The following BPNT2 variants were observed in gnomAD, a reference collection of about 807,000 sequenced individuals.
The protein encoded by BPNT2 is Golgi-resident adenosine 3',5'-bisphosphate 3'-phosphatase.
Under a neutral mutation model 29.3 loss-of-function variants are expected in BPNT2, and 11 were observed. That is an observed-to-expected ratio of 0.38 (90% CI 0.24 to 0.62). The LOEUF is 0.62. Ranked by LOEUF, BPNT2 falls within the 20% of genes least tolerant of loss-of-function variation. The probability of loss-of-function intolerance (pLI) is 0.62; values close to 1 mark genes in which losing one functional copy is unlikely to be tolerated. For synonymous variants in BPNT2, 195 were observed against 187.7 expected (o/e 1.04, Z -0.32); for missense variants, 459 against 473.4 (o/e 0.97, Z 0.28).
rs1805775853 is a variant in BPNT2 at position 56,958,502 on chromosome 8, ATGG to A, written c.*5288_*5290del. Reference sequence around the variant, plus strand: ...TCTAAGCATGTGACGGCAACAGCTAATGGTCTAGTTCCTCCATGGCTTTAAATG... The same window carrying A: ...TCTAAGCATGTGACGGCAACAGCTAATCTAGTTCCTCCATGGCTTTAAATG... On this transcript the variant is annotated 3_prime_UTR_variant, in exon 5 of 5. Transcript: ENST00000262644. 1 of 152,230 alleles carries A rather than the reference ATGG, an allele frequency of 6.6e-6. No individual in the cohort carries two copies. Among genetic ancestry groups the A allele is most frequent in the African/African-American group, 2.4e-5 (1 of 41,448 alleles). 9.4% of individuals were successfully genotyped at this position (152,230 alleles called of 1,614,324 possible).
rs1805838430 is a variant in BPNT2, at chr8:56,961,698, GGT to G, written c.*2093_*2094del. 6.6e-6 allele frequency: 1 copy of G among 152,142 alleles called. No homozygotes were observed. Among genetic ancestry groups the G allele is most frequent in the African/African-American group, 2.4e-5 (1 of 41,410 alleles). The allele number at this position is 152,142 out of a possible 1,614,324, so 9.4% of individuals were successfully genotyped here. Reference sequence around the variant, plus strand: ...AACAAAAATACAAAAAAATTAGCTGGGTGTGGTGGTGTATGCCTGTAATCCCA... The same window carrying G: ...AACAAAAATACAAAAAAATTAGCTGGGTGGTGGTGTATGCCTGTAATCCCA... On this transcript the variant is annotated 3_prime_UTR_variant, in exon 5 of 5. Coordinates refer to ENST00000262644, the MANE Select transcript of BPNT2 (RefSeq NM_017813.5).
chr8:56,970,591 A>G (rs550991043), intron 3 of BPNT2, among the ~76,000 whole-genome samples: 2 of 152,198 alleles, frequency 1.3e-5, no homozygotes, highest in South Asian at 4.1e-4. Flanking sequence ...ATCAGCTGTA[A>G]AATCCATTTT....
Position 56,993,216 on chromosome 8 carries a change from C to G in BPNT2, c.370G>C (p.Ala124Pro). The change falls in exon 1 of 5, where the codon GCC becomes CCC. Residue 124 changes from alanine (A) to proline (P), a missense_variant. Coordinates refer to ENST00000262644, the MANE Select transcript of BPNT2 (RefSeq NM_017813.5). ...NRKMFYLLKT[A>P]FPSVQINTEE... ...GCTCCCACCTGGACGCTGGGGAAGGCGGTCTTGAGCAGGTAGAACATCTTG... is the reference window on the plus strand; with the variant it reads ...GCTCCCACCTGGACGCTGGGGAAGGGGGTCTTGAGCAGGTAGAACATCTTG... 1 of 1,602,032 alleles carries G rather than the reference C, an allele frequency of 6.2e-7. No homozygotes were observed. The highest frequency in any genetic ancestry group is 1.1e-5 in the South Asian group (1 of 90,772).
chr8:56,964,527 T>A (rs142571861), intron 4 of BPNT2: 3,000 of 157,250 alleles, frequency 0.019, 88 homozygotes, highest in African/African-American at 0.064. Context: ...GGTCTTGAAC[T>A]CCTGGCCTCG....
chr8:56,963,715 C>T lies in BPNT2; in HGVS notation c.*78G>A. On this transcript the variant is annotated 3_prime_UTR_variant, in exon 5 of 5. Transcript: ENST00000262644. ...GATGGCCTTAACCATGCATAGTCTC[C>T]ACCAATCCTTTGAAGCTTCCAGCAT... is the stretch of plus-strand genomic sequence containing the variant. The T allele has an allele frequency of 6.5e-7, 1 of 1,533,672 alleles. No homozygotes were observed. Among genetic ancestry groups the T allele is most frequent in the Non-Finnish European group, 9.0e-7 (1 of 1,109,924 alleles).
rs556706868 is a variant in BPNT2 at position 56,986,102 on chromosome 8, C to CA, written c.388-5906dup. Among the ~76,000 whole-genome samples, 388 of 152,316 alleles carry CA rather than the reference C, an allele frequency of 2.5e-3. 1 individual carries two copies. The highest frequency in any genetic ancestry group is 3.4e-3 in the Middle Eastern group (1 of 294). The stretch of plus-strand genomic sequence containing the variant: ...TGTCGTTACTACAGCATTTCCTACT[C>CA]AGTCTTTCCTGACTAATGCATTTTC... On this transcript the variant is annotated intron_variant, in intron 1 of 4. Transcript: ENST00000262644.
At chr8:56,977,701 G>A (rs1563408715) in intron 3 of BPNT2, among the ~76,000 whole-genome samples, 2 of 152,144 alleles carry the variant, frequency 1.3e-5, no homozygotes, top group African/African-American at 4.8e-5. Flanking sequence ...TGTAAGAGGA[G>A]AAGAGACACA....
rs1806450355 is a variant in BPNT2 at position 56,993,330 on chromosome 8, C to T, written c.256G>A (p.Glu86Lys). ...RGGDEVRRVR[E>K]SNVLHEKSKG... is the part of the protein sequence containing the mutation. ...GACTTCTCGTGGAGGACGTTGCTCT[C>T]GCGGACGCGCCTCACCTCGTCGCCG... Residue 86 changes from glutamate to lysine, a missense_variant, in exon 1 of 5, where the codon GAG (glutamate) becomes AAG (lysine). Physicochemically the swap from Glu to Lys is moderately conservative, Grantham distance 56 (BLOSUM62 1). Transcript: ENST00000262644. The T allele has an allele frequency of 2.5e-6, 4 of 1,611,634 alleles. No individual in the cohort carries two copies. Among genetic ancestry groups the T allele is most frequent in the Admixed American group, 1.7e-5 (1 of 60,014 alleles).
intron 3 of BPNT2, among the ~76,000 whole-genome samples, chr8:56,969,443 T>C (rs1805998231): frequency 6.6e-6 from 1 of 152,184 alleles, no homozygotes; most frequent in Non-Finnish European, 1.5e-5. Flanking sequence ...CAAATTTAAC[T>C]GTGGATTTAA....
chr8:56,959,535 T>TATCAATAATTAGTGACTATTACC lies in BPNT2; in HGVS notation c.*4257_*4258insGGTAATAGTCACTAATTATTGAT, dbSNP rs1805792200. The TATCAATAATTAGTGACTATTACC allele has an allele frequency of 6.6e-6, 1 of 152,190 alleles. No individual in the cohort carries two copies. Among genetic ancestry groups the TATCAATAATTAGTGACTATTACC allele is most frequent in the Admixed American group, 6.5e-5 (1 of 15,282 alleles). 9.4% of individuals were successfully genotyped at this position (152,190 alleles called of 1,614,324 possible). On this transcript the variant is annotated 3_prime_UTR_variant, in exon 5 of 5. Coordinates refer to ENST00000262644, the MANE Select transcript of BPNT2 (RefSeq NM_017813.5). The stretch of plus-strand genomic sequence containing the variant: ...TTAATAAATTATTGATATGCTACCA[T>TATCAATAATTAGTGACTATTACC]AAATAAATAGTCACTTTTTAAACCA...
At chr8:56,980,817 T>TACACACACAC (rs1343746473) in intron 1 of BPNT2, among the ~76,000 whole-genome samples, 3 of 67,906 alleles carry the variant, frequency 4.4e-5, no homozygotes, top group South Asian at 5.2e-4. Context: ...CATACATACA[T>TACACACACAC]ATACACACAC....
Position 56,982,519 on chromosome 8 carries a change from T to A in BPNT2, c.388-2322A>T, listed in dbSNP as rs182518269. Among the ~76,000 whole-genome samples, 76 of 152,372 alleles carry A rather than the reference T, an allele frequency of 5.0e-4. No homozygotes were observed. The East Asian group carries it at 8.1e-3, about 16-fold the overall frequency. On this transcript the variant is annotated intron_variant, in intron 1 of 4. Coordinates refer to ENST00000262644, the MANE Select transcript of BPNT2 (RefSeq NM_017813.5). ...AAATGCTTATTGATTGCCTACTATA[T>A]GACAGACACAGTTACAGGTCTTAAA...
chr8:56,977,887 C>G (rs1054223585), intron 3 of BPNT2, among the ~76,000 whole-genome samples, 163 bp downstream of exon 3: 1 of 152,178 alleles, frequency 6.6e-6, no homozygotes. Context: ...AACTGTCAGA[C>G]ACTACATTTT....
In BPNT2 at chr8:56,962,644, C is replaced by T. The variant is rs578154957; in HGVS notation, c.*1149G>A. 6.6e-6 allele frequency: 1 copy of T among 151,980 alleles called. No individual in the cohort carries two copies. The highest frequency in any genetic ancestry group is 2.1e-4 in the South Asian group (1 of 4,814). The allele number at this position is 151,980 out of a possible 1,614,324, so 9.4% of individuals were successfully genotyped here. A position where few individuals can be genotyped will look rare whatever the true frequency, so the allele number is the denominator to read the frequency against. ...AGAAAAAAATTTCATCAAAAAGTAC[C>T]TTCAACCTTCTCTATTTTAATCTGA... On this transcript the variant is annotated 3_prime_UTR_variant, in exon 5 of 5. Coordinates refer to ENST00000262644, the MANE Select transcript of BPNT2 (RefSeq NM_017813.5).
chr8:56,993,506 A>G lies in BPNT2; in HGVS notation c.80T>C (p.Leu27Pro). ...GCGGCCGGCCAAGAAGCCCGAGTAG[A>G]GGTGGTAGAGCACGCCGAGCCCCAG... ...CLLGLGVLYHLYSGFLAGRFS... is the reference protein window; with the variant it reads ...CLLGLGVLYHPYSGFLAGRFS... The change falls in exon 1 of 5, where the codon CTC becomes CCC. Residue 27 changes from leucine to proline, a missense_variant. Leu to Pro is a moderately conservative substitution (Grantham distance 98). Coordinates refer to ENST00000262644, the MANE Select transcript of BPNT2 (RefSeq NM_017813.5). 1.3e-6 allele frequency: 2 copies of G among 1,500,924 alleles called. No individual in the cohort carries two copies. The highest frequency in any genetic ancestry group is 1.8e-6 in the Non-Finnish European group (2 of 1,125,514). The allele number at this position is 1,500,924 out of a possible 1,614,324, so 93.0% of individuals were successfully genotyped here. A position where few individuals can be genotyped will look rare whatever the true frequency, so the allele number is the denominator to read the frequency against.
Position 56,960,858 on chromosome 8 carries a change from G to A in BPNT2, c.*2935C>T, listed in dbSNP as rs563142061. On this transcript the variant is annotated 3_prime_UTR_variant, in exon 5 of 5. Coordinates refer to ENST00000262644, the MANE Select transcript of BPNT2 (RefSeq NM_017813.5). ...TGTGAGGAGTCTTTGTAATCTAATA[G>A]TGAACTAGGCCTCCTCCAGGATTGA... The A allele has an allele frequency of 6.6e-6, 1 of 152,292 alleles. No homozygotes were observed. The highest frequency in any genetic ancestry group is 6.5e-5 in the Admixed American group (1 of 15,292). The allele number at this position is 152,292 out of a possible 1,614,324, so 9.4% of individuals were successfully genotyped here.
At chr8:56,972,474 T>C (rs960539449) in intron 3 of BPNT2, among the ~76,000 whole-genome samples, 18 of 152,138 alleles carry the variant, frequency 1.2e-4, no homozygotes, top group African/African-American at 4.3e-4. Context: ...TTGCTGAAGC[T>C]ACACACCAAC....
intron 3 of BPNT2, among the ~76,000 whole-genome samples, 168 bp downstream of exon 3, chr8:56,977,882 T>A (rs1032306223): frequency 6.6e-6 from 1 of 152,184 alleles, no homozygotes; most frequent in Admixed American, 6.5e-5. Flanking sequence ...TCCAGAACTG[T>A]CAGACACTAC....
At chr8:56,981,127 A>G (rs9298557) in intron 1 of BPNT2, among the ~76,000 whole-genome samples, 144,834 of 152,194 alleles carry the variant, frequency 0.95, 68,963 homozygotes, top group African/African-American at 0.99. Context: ...GATGCCAGCA[A>G]CAACACCCTC....
Sources: gnomAD v4.1 joint callset for allele counts (sites outside exome capture counted in the v4.1 genomes callset) on GRCh38, gnomAD v4.1.1 for gene constraint, MANE v1.5 for transcripts, NCBI Gene and HGNC (gene_info 2026-07-23, HGNC 2026-07-21) for gene names.